Variants in MTIF3 observed in about 807,000 individuals in gnomAD.
The protein encoded by MTIF3 is translation initiation factor IF-3, mitochondrial.
A neutral mutation model predicts 20.7 loss-of-function variants in MTIF3; 13 were observed. The observed-to-expected ratio is 0.63, with a 90% CI of 0.41 to 1.00. The LOEUF is 1.00. Ranked by LOEUF, MTIF3 falls within the 50% of genes least tolerant of loss-of-function variation. The pLI, the probability that MTIF3 is intolerant of heterozygous loss-of-function variation, is 0.00. For synonymous variants in MTIF3, 114 were observed against 112.5 expected, an observed-to-expected ratio of 1.01 and a Z score of -0.08; for missense variants, 295 against 324.5, an observed-to-expected ratio of 0.91 and a Z score of 0.70.
chr13:27,444,242 C>G (rs1230850034), intron 2 of MTIF3, among the ~76,000 whole-genome samples: 1 of 151,874 alleles, frequency 6.6e-6, no homozygotes, highest in East Asian at 1.9e-4. Flanking sequence ...GGAGGCGGAG[C>G]TAGCAGTGAG....
chr13:27,443,432 G>A (rs550572653), intron 2 of MTIF3, among the ~76,000 whole-genome samples: 11 of 152,118 alleles, frequency 7.2e-5, no homozygotes, highest in Admixed American at 2.6e-4. Flanking sequence ...TTCTGCTAGG[G>A]GACTCTTAAG....
At chr13:27,446,899 G>C (rs1290251462) in intron 1 of MTIF3, among the ~76,000 whole-genome samples, 1 of 152,060 alleles carries the variant, frequency 6.6e-6, no homozygotes, top group Non-Finnish European at 1.5e-5. Flanking sequence ...TATACGATTC[G>C]GGTGATGGTG....
intron 1 of MTIF3, 41 bp downstream of exon 1, chr13:27,450,468 C>G (rs1003274486): frequency 6.6e-6 from 1 of 152,514 alleles, no homozygotes; most frequent in African/African-American, 2.4e-5. Context: ...CTCCCGATGC[C>G]GGTCCGCGCA....
At chr13:27,437,934 G>A (rs1953845373) in intron 3 of MTIF3, among the ~76,000 whole-genome samples, 1 of 152,008 alleles carries the variant, frequency 6.6e-6, no homozygotes, top group East Asian at 1.9e-4. Context: ...AGAAAAAAAG[G>A]CAAAATGAAA....
intron 1 of MTIF3, among the ~76,000 whole-genome samples, chr13:27,449,119 TG>T (rs1360457007): frequency 1.3e-5 from 2 of 152,218 alleles, no homozygotes; most frequent in African/African-American, 4.8e-5. Context: ...ACTCTAGTGA[TG>T]GGATCACTAC....
chr13:27,439,012 A>G (rs1388276006), intron 3 of MTIF3, among the ~76,000 whole-genome samples: 1 of 152,186 alleles, frequency 6.6e-6, no homozygotes, highest in African/African-American at 2.4e-5. Context: ...GAACTTTCAT[A>G]ATGATTGGCA....
intron 1 of MTIF3, among the ~76,000 whole-genome samples, chr13:27,449,568 C>A (rs1954291170): frequency 1.3e-5 from 2 of 148,722 alleles, no homozygotes; most frequent in Non-Finnish European, 2.9e-5. Context: ...GATTACCTTC[C>A]AAACTAAGCC....
At position 27,446,168 on chromosome 13, in the gene MTIF3, T is replaced by G. The variant is rs551513631; in HGVS notation, c.-70-1012A>C. Among the ~76,000 whole-genome samples, 59 of 152,306 alleles carry G rather than the reference T, an allele frequency of 3.9e-4. No homozygotes were observed. In the East Asian group the frequency reaches 0.01, roughly 26 times the overall value. On this transcript the variant is annotated intron_variant, in intron 1 of 4. Coordinates refer to ENST00000381120, the MANE Select transcript of MTIF3 (RefSeq NM_152912.5). Reference sequence around the variant, plus strand: ...GCCTCCCAGGTTCAAGTGATTCTCCTGCTTCAGCCTCCCAAGTAGCCGGGA... The same window carrying G: ...GCCTCCCAGGTTCAAGTGATTCTCCGGCTTCAGCCTCCCAAGTAGCCGGGA...
rs1334727524 is a variant in MTIF3 at position 27,445,141 on chromosome 13, T to C, written c.-55A>G. On this transcript the variant is annotated 5_prime_UTR_variant, in exon 2 of 5. Coordinates refer to ENST00000381120, the MANE Select transcript of MTIF3 (RefSeq NM_152912.5). ...CAGTTGATGAGGAGAAGCTCTTCTGTAGAGAAGAATGACAGCTAATAAACA... is the reference window on the plus strand; with the variant it reads ...CAGTTGATGAGGAGAAGCTCTTCTGCAGAGAAGAATGACAGCTAATAAACA... The C allele has an allele frequency of 6.6e-6, 1 of 152,170 alleles. No individual in the cohort carries two copies. The highest frequency in any genetic ancestry group is 1.5e-5 in the Non-Finnish European group (1 of 68,030). The allele number at this position is 152,170 out of a possible 1,614,324, so 9.4% of individuals were successfully genotyped here.
intron 1 of MTIF3, among the ~76,000 whole-genome samples, chr13:27,449,078 T>C (rs1045114706): frequency 1.3e-5 from 2 of 152,204 alleles, no homozygotes; most frequent in African/African-American, 4.8e-5. Flanking sequence ...CTTATTCTCC[T>C]ATGTTAATCC....
intron 4 of MTIF3, among the ~76,000 whole-genome samples, chr13:27,436,745 A>ATTTTTTTTT (rs66903644): frequency 2.6e-4 from 23 of 90,196 alleles, no homozygotes; most frequent in Non-Finnish European, 3.0e-4. Context: ...ATTTTCTACA[A>ATTTTTTTTT]TTTTTTTTTT....
At chr13:27,447,522 C>A (rs757429144) in intron 1 of MTIF3, among the ~76,000 whole-genome samples, 27 of 152,172 alleles carry the variant, frequency 1.8e-4, no homozygotes, top group Non-Finnish European at 3.5e-4. Flanking sequence ...ATCTTAATGT[C>A]AATTACTTAT....
At chr13:27,448,494 C>A (rs1954250921) in intron 1 of MTIF3, among the ~76,000 whole-genome samples, 1 of 152,188 alleles carries the variant, frequency 6.6e-6, no homozygotes, top group Admixed American at 6.5e-5. Context: ...AGGGCCTGCG[C>A]TACCGTTACT....
At chr13:27,446,704 A>G (rs565057900) in intron 1 of MTIF3, among the ~76,000 whole-genome samples, 5 of 152,332 alleles carry the variant, frequency 3.3e-5, no homozygotes, top group East Asian at 3.9e-4. Context: ...TTTCAAGCCT[A>G]TATCTAAGTG....
chr13:27,440,433 G>GA lies in MTIF3; in HGVS notation c.15dup (p.Leu6SerfsTer12). The GA allele has an allele frequency of 6.2e-7, 1 of 1,602,150 alleles. No individual in the cohort carries two copies. Among genetic ancestry groups the GA allele is most frequent in the South Asian group, 1.1e-5 (1 of 89,836 alleles). ...ACAGTTTGTAGTGTTAACCTCTTTAGAAAAAGAGCAGCCATCCTAAGAAAG... is the reference window on the plus strand; with the variant it reads ...ACAGTTTGTAGTGTTAACCTCTTTAGAAAAAAGAGCAGCCATCCTAAGAAAG... On this transcript the variant is annotated frameshift_variant, in exon 3 of 5. Coordinates refer to ENST00000381120, the MANE Select transcript of MTIF3 (RefSeq NM_152912.5). LOFTEE classifies it high-confidence loss of function.
Position 27,446,869 on chromosome 13 carries a change from A to C in MTIF3, c.-70-1713T>G, listed in dbSNP as rs145686628. Among the ~76,000 whole-genome samples the C allele has an allele frequency of 2.7e-3, 405 of 152,330 alleles. 2 individuals are homozygous for C. Among genetic ancestry groups the C allele is most frequent in the African/African-American group, 9.4e-3 (390 of 41,576 alleles). Reference sequence around the variant, plus strand: ...ATGGGAAGGAGGCTGGCATAAAAAAAGTACACATTAGGTACAATGTATACG... The same window carrying C: ...ATGGGAAGGAGGCTGGCATAAAAAACGTACACATTAGGTACAATGTATACG... On this transcript the variant is annotated intron_variant, in intron 1 of 4. Coordinates refer to ENST00000381120, the MANE Select transcript of MTIF3 (RefSeq NM_152912.5).
At chr13:27,436,028 T>C in intron 4 of MTIF3, 135 bp from the exon 5 acceptor site, 1 of 652,500 alleles carries the variant, frequency 1.5e-6, no homozygotes, top group Non-Finnish European at 2.7e-6. Context: ...AATCAGTTCA[T>C]ACGTATCTGG....
Position 27,440,072 on chromosome 13 carries a change from G to A in MTIF3, c.377C>T (p.Ala126Val). The change falls in exon 3 of 5, where the codon GCA becomes GTA. Residue 126 changes from alanine to valine, a missense_variant. Coordinates refer to ENST00000381120, the MANE Select transcript of MTIF3 (RefSeq NM_152912.5). ...CAATCCTGTCATGAGCTGATACTCT[G>A]CAGGTTCTGTGCTGGTGTTCCTTTG... ...LVQRNTSTEP[A>V]EYQLMTGLQI... 6.2e-7 allele frequency: 1 copy of A among 1,614,178 alleles called. No homozygotes were observed. The highest frequency in any genetic ancestry group is 8.5e-7 in the Non-Finnish European group (1 of 1,180,022).
rs1220576856 is a variant in MTIF3, at chr13:27,438,481, CTGTTTTTTTTTT to C, written c.461-1220_461-1209del. On this transcript the variant is annotated intron_variant, in intron 3 of 4. Transcript: ENST00000381120. ...CTCCAGCCTGGGCAACAGAGCAAGA[CTGTTTTTTTTTT>C]TTTTTTTTTTTTTTTTAAACACAGG... Among the ~76,000 whole-genome samples the C allele has an allele frequency of 4.4e-4, 23 of 52,066 alleles. No individual in the cohort carries two copies. The Admixed American group carries it at 6.7e-3, about 15-fold the overall frequency. The allele number at this position is 52,066 out of a possible 152,430, so 34.2% of individuals were successfully genotyped here.
Sources: allele counts gnomAD v4.1 joint callset (sites outside exome capture counted in the v4.1 genomes callset), GRCh38; gene constraint gnomAD v4.1.1; transcripts MANE v1.5; gene names NCBI Gene and HGNC (gene_info 2026-07-23, HGNC 2026-07-21).